Variants in HHATL observed in about 807,000 individuals in gnomAD.
HHATL encodes the protein hedgehog acyltransferase like.
HHATL carries 49 observed loss-of-function variants against 59.7 expected under a neutral mutation model. The observed-to-expected ratio is 0.82, with a 90% CI of 0.65 to 1.04. The LOEUF is 1.04. Among genes scored for constraint, HHATL ranks in the 50% least tolerant of loss-of-function variants. The pLI is 0.00. For missense variants in HHATL, 605 were observed against 650.8 expected, an observed-to-expected ratio of 0.93 and a Z score of 0.77; for synonymous variants, 238 against 257.3, an observed-to-expected ratio of 0.93 and a Z score of 0.72.
chr3:42,694,665 C>T lies in HHATL; in HGVS notation c.1047-847G>A, dbSNP rs181762223. The stretch of plus-strand genomic sequence containing the variant: ...AGTTCATCATGCTGGCCTCACTGGC[C>T]TTTCTTACCTTTACACCCACACAGT... On this transcript the variant is annotated intron_variant, in intron 9 of 11. Transcript: ENST00000441594. Among the ~76,000 whole-genome samples, 7 of 152,304 alleles carry T rather than the reference C, an allele frequency of 4.6e-5. No homozygotes were observed. The East Asian group carries it at 1.4e-3, about 29-fold the overall frequency.
chr3:42,698,197 T>C lies in HHATL; in HGVS notation c.638A>G (p.Tyr213Cys). Residue 213 changes from tyrosine (Y) to cysteine (C), a missense_variant, in exon 6 of 12, where the codon TAC (tyrosine) becomes TGC (cysteine). Tyr to Cys is a radical substitution (Grantham distance 194). Coordinates refer to ENST00000441594, the MANE Select transcript of HHATL (RefSeq NM_020707.4). ...SLADLLKYNF[Y>C]LPFFFFGPIM... ...GGGCCCGAAGAAGAAGAAGGGCAGGTAGAAGTTGTACTTGAGCAGGTCAGC... is the reference window on the plus strand; with the variant it reads ...GGGCCCGAAGAAGAAGAAGGGCAGGCAGAAGTTGTACTTGAGCAGGTCAGC... 6.2e-7 allele frequency: 1 copy of C among 1,614,124 alleles called. No homozygotes were observed.
At chr3:42,699,187 T>C (rs1445131804) in intron 3 of HHATL, 42 bp from the exon 4 acceptor site, 1 of 1,458,322 alleles carries the variant, frequency 6.9e-7, no homozygotes, top group South Asian at 1.1e-5. Context: ...CAGGTGAGGG[T>C]GGGAGAGGGG....
rs1275913683 is a variant in HHATL at position 42,692,859 on chromosome 3, C to A, written c.1407G>T (p.Thr469=). ...RLLLTGFPQT[T]LSILFVTYCG... is the part of the protein sequence containing the mutation. ...AGTAGGTGACAAACAGGATGGACAG[C>A]GTGGTCTGGGGGAACCCTGTGTGGG... The change falls in exon 12 of 12, where the codon ACG becomes ACT. Residue 469 remains threonine, a synonymous_variant. Coordinates refer to ENST00000441594, the MANE Select transcript of HHATL (RefSeq NM_020707.4). 19 of 1,614,194 alleles carry A rather than the reference C, an allele frequency of 1.2e-5. No individual in the cohort carries two copies. The highest frequency in any genetic ancestry group is 1.6e-5 in the Non-Finnish European group (19 of 1,180,028).
chr3:42,699,445 C>T (rs1021427211), intron 3 of HHATL, among the ~76,000 whole-genome samples: 27 of 152,112 alleles, frequency 1.8e-4, no homozygotes, highest in Non-Finnish European at 3.2e-4. Flanking sequence ...TGCCGGGTCG[C>T]TTGAAGCTCC....
chr3:42,694,944 C>A (rs1216670630), intron 9 of HHATL, among the ~76,000 whole-genome samples: 1 of 152,222 alleles, frequency 6.6e-6, no homozygotes, highest in Non-Finnish European at 1.5e-5. Flanking sequence ...TTTCTCCCCA[C>A]TAGACTGTAA....
At chr3:42,702,446 C>T (rs1266511513) in intron 1 of HHATL, 133 bp downstream of exon 1, 1 of 152,628 alleles carries the variant, frequency 6.6e-6, no homozygotes, top group African/African-American at 2.4e-5. Context: ...ATACCCTTTC[C>T]CCTGGTCCTG....
intron 7 of HHATL, 51 bp from the exon 8 acceptor site, chr3:42,697,196 C>A: frequency 6.6e-7 from 1 of 1,504,778 alleles, no homozygotes; most frequent in Non-Finnish European, 8.9e-7. Context: ...TGGGGCCTGC[C>A]CCCATGAAGA....
In HHATL at chr3:42,697,590, G is replaced by A. The variant is rs1250869581; in HGVS notation, c.783C>T (p.Val261=). The stretch of plus-strand genomic sequence containing the variant: ...TGTAGAAGAAGTGAAAGAAGATGTC[G>A]ACGGCCATGATGGCCACCACGCTTA... The part of the protein sequence containing the change: ...AGLSVVAIMA[V]DIFFHFFYIL... The change falls in exon 7 of 12, where the codon GTC becomes GTT. Residue 261 remains valine (V), a synonymous_variant. Transcript: ENST00000441594. 3.1e-6 allele frequency: 5 copies of A among 1,614,140 alleles called. No individual in the cohort carries two copies. Among genetic ancestry groups the A allele is most frequent in the South Asian group, 1.1e-5 (1 of 91,080 alleles).
intron 9 of HHATL, chr3:42,694,098 G>A: frequency 2.1e-6 from 1 of 473,908 alleles, no homozygotes; most frequent in Non-Finnish European, 3.8e-6. Flanking sequence ...CCCTAAATCT[G>A]TGTCTTTAGC....
In HHATL at chr3:42,698,821, C is replaced by A. The variant is rs1463135254; in HGVS notation, c.370G>T (p.Gly124Cys). The stretch of plus-strand genomic sequence containing the variant: ...GCCACATAGAGGCCCACACAGTGAC[C>A]AAGCAGCAGCAGCAGGTACCAAGGG... ...MGPWYLLLLL[G>C]HCVGLYVASL... is the part of the protein sequence containing the mutation. The change falls in exon 5 of 12, where the codon GGT becomes TGT. Residue 124 changes from glycine to cysteine, a missense_variant. By Grantham distance (159) the Gly-to-Cys change is radical. Transcript: ENST00000441594. 4 of 1,613,934 alleles carry A rather than the reference C, an allele frequency of 2.5e-6. No homozygotes were observed. The highest frequency in any genetic ancestry group is 2.7e-5 in the African/African-American group (2 of 75,052).
At chr3:42,699,669 G>A in intron 3 of HHATL, 89 bp downstream of exon 3, 1 of 1,132,208 alleles carries the variant, frequency 8.8e-7, no homozygotes, top group South Asian at 1.4e-5. Flanking sequence ...AGAGCTGTGA[G>A]AAGCTCTCTG....
intron 5 of HHATL, 84 bp downstream of exon 5, chr3:42,698,624 G>A: frequency 7.0e-7 from 1 of 1,438,430 alleles, no homozygotes; most frequent in Non-Finnish European, 9.4e-7. Context: ...AATACTTGGG[G>A]ATACTTGGGG....
chr3:42,694,065 AG>A, intron 9 of HHATL: 1 of 554,952 alleles, frequency 1.8e-6, no homozygotes, highest in Non-Finnish European at 3.2e-6. Flanking sequence ...CAAGATTTCA[AG>A]TACTAGCTCT....
At position 42,700,164 on chromosome 3, in the gene HHATL, C is replaced by CTGTG. The variant is rs10576105; in HGVS notation, c.107-343_107-340dup. ...TGTGTGTGTGTCTGGGTCCAGGACTCTGTGTGTGTGTGTGTGTGTGTGTGT... is the reference window on the plus strand; with the variant it reads ...TGTGTGTGTGTCTGGGTCCAGGACTCTGTGTGTGTGTGTGTGTGTGTGTGTGTGT... On this transcript the variant is annotated intron_variant, in intron 2 of 11. Transcript: ENST00000441594. Among the ~76,000 whole-genome samples, 786 of 90,790 alleles carry CTGTG rather than the reference C, an allele frequency of 8.7e-3. 24 individuals carry two copies. The highest frequency in any genetic ancestry group is 0.025 in the African/African-American group (534 of 21,512). The allele number at this position is 90,790 out of a possible 152,430, so 59.6% of individuals were successfully genotyped here. A position where few individuals can be genotyped will look rare whatever the true frequency, so the allele number is the denominator to read the frequency against.
chr3:42,697,261 C>T (rs1011795394), intron 7 of HHATL, 116 bp from the exon 8 acceptor site: 10 of 1,301,320 alleles, frequency 7.7e-6, no homozygotes, highest in East Asian at 2.5e-5. Flanking sequence ...CCCACGGAGA[C>T]CCCCCCATAT....
intron 2 of HHATL, among the ~76,000 whole-genome samples, 195 bp from the exon 3 acceptor site, chr3:42,700,020 G>C (rs339687): frequency 0.33 from 49,937 of 150,928 alleles, 8,505 homozygotes; most frequent in East Asian, 0.57. Context: ...GTGTGTGTGT[G>C]TGTGTTGGGG....
intron 10 of HHATL, 38 bp from the exon 11 acceptor site, chr3:42,693,256 G>A: frequency 6.2e-7 from 1 of 1,609,164 alleles, no homozygotes; most frequent in Non-Finnish European, 8.5e-7. Context: ...CGGGACAAGA[G>A]GCCAAAGGAA....
intron 2 of HHATL, among the ~76,000 whole-genome samples, chr3:42,700,164 CTGTGTGTGTGTG>C (rs10576105): frequency 5.5e-5 from 5 of 90,752 alleles, no homozygotes; most frequent in African/African-American, 2.3e-4. Context: ...GTCCAGGACT[CTGTGTGTGTGTG>C]TGTGTGTGTG....
At chr3:42,699,205 G>A (rs191545700) in intron 3 of HHATL, 60 bp from the exon 4 acceptor site, 14 of 1,211,658 alleles carry the variant, frequency 1.2e-5, no homozygotes, top group African/African-American at 6.0e-5. Flanking sequence ...GGGACAGGAC[G>A]AGCTGGAACC....
Sources: gnomAD v4.1 joint callset for allele counts (sites outside exome capture counted in the v4.1 genomes callset) on GRCh38, gnomAD v4.1.1 for gene constraint, MANE v1.5 for transcripts, NCBI Gene and HGNC (gene_info 2026-07-23, HGNC 2026-07-21) for gene names.